CHD7: variants seen among roughly 807,000 people sequenced by gnomAD.
The protein encoded by CHD7 is chromodomain helicase DNA binding protein 7.
Under a neutral mutation model 307.3 loss-of-function variants are expected in CHD7, and 24 were observed. The ratio of observed to expected loss-of-function variants is 0.08; its 90% CI spans 0.06 to 0.11. The LOEUF is 0.11. CHD7 is among the 10% of genes least tolerant of loss of function. The pLI is 1.00. For missense variants in CHD7, 3,106 were observed against 3,727.1 expected (o/e 0.83, Z 4.34); for synonymous variants, 1,363 against 1,349.9 (o/e 1.01, Z -0.21).
chr8:60,801,720 G>T, intron 6 of CHD7, 127 bp downstream of exon 6: 1 of 646,212 alleles, frequency 1.5e-6, no homozygotes, highest in Non-Finnish European at 2.7e-6. Context: ...TTCTAATCCT[G>T]TCTAATTTAT....
chr8:60,824,286 G>C (rs1480455993), intron 13 of CHD7: 1 of 427,428 alleles, frequency 2.3e-6, no homozygotes, highest in East Asian at 3.3e-5. Flanking sequence ...TTTACCCTTT[G>C]TTCATAAATA....
At chr8:60,784,780 T>C (rs1811415839) in intron 3 of CHD7, among the ~76,000 whole-genome samples, 1 of 152,150 alleles carries the variant, frequency 6.6e-6, no homozygotes, top group African/African-American at 2.4e-5. Flanking sequence ...CCAGAAACTG[T>C]TACATAGAGT....
chr8:60,685,954 C>G (rs1290031900), intron 1 of CHD7, among the ~76,000 whole-genome samples: 2 of 152,104 alleles, frequency 1.3e-5, no homozygotes, highest in Non-Finnish European at 2.9e-5. Context: ...GGTGATAGAA[C>G]TTTTTGTTAT....
intron 1 of CHD7, among the ~76,000 whole-genome samples, chr8:60,716,793 G>C (rs1807624304): frequency 6.6e-6 from 1 of 152,198 alleles, no homozygotes; most frequent in African/African-American, 2.4e-5. Flanking sequence ...ACAGATGATA[G>C]GTGCACAATA....
intron 1 of CHD7, among the ~76,000 whole-genome samples, chr8:60,726,569 C>A (rs1808168932): frequency 6.6e-6 from 1 of 152,200 alleles, no homozygotes; most frequent in South Asian, 2.1e-4. Flanking sequence ...CTACAAAGTA[C>A]TGCGTTAAGT....
intron 2 of CHD7, among the ~76,000 whole-genome samples, chr8:60,751,019 A>T (rs190792666): frequency 6.6e-6 from 1 of 152,322 alleles, no homozygotes; most frequent in Admixed American, 6.5e-5. Context: ...TCTTGACAAG[A>T]TACGTTATTG....
intron 6 of CHD7, among the ~76,000 whole-genome samples, chr8:60,806,663 A>G (rs772824527): frequency 6.6e-6 from 1 of 152,206 alleles, no homozygotes; most frequent in Non-Finnish European, 1.5e-5. Flanking sequence ...ACTCCTGCAT[A>G]TCCAGACTCC....
intron 1 of CHD7, among the ~76,000 whole-genome samples, chr8:60,703,066 A>G (rs1460490159): frequency 1.3e-5 from 2 of 152,184 alleles, no homozygotes; most frequent in African/African-American, 2.4e-5. Context: ...GTAGAAGGGA[A>G]TACTTCAGGG....
At chr8:60,834,526 C>G (rs932646072) in intron 15 of CHD7, among the ~76,000 whole-genome samples, 1 of 152,182 alleles carries the variant, frequency 6.6e-6, no homozygotes, top group African/African-American at 2.4e-5. Flanking sequence ...TAACTTTATT[C>G]AAGAACATTC....
Position 60,837,360 on chromosome 8 carries a change from T to C in CHD7, c.4186-308T>C, listed in dbSNP as rs770425393. On this transcript the variant is annotated intron_variant, in intron 17 of 37. Transcript: ENST00000423902. ...AACAGACATTTATTTCTCACAGTTC[T>C]GGAGGTTGGAAGTCCAAAATCAGAG... Among the ~76,000 whole-genome samples the C allele has an allele frequency of 2.6e-5, 4 of 152,172 alleles. 1 individual carries two copies. The highest frequency in any genetic ancestry group is 5.9e-5 in the Non-Finnish European group (4 of 68,034).
At chr8:60,854,161 A>C (rs935927792) in intron 31 of CHD7, among the ~76,000 whole-genome samples, 1 of 152,224 alleles carries the variant, frequency 6.6e-6, no homozygotes, top group Non-Finnish European at 1.5e-5. Flanking sequence ...CTGTGTCATC[A>C]TCTGCAAGAT....
At chr8:60,690,859 G>A (rs1253854428) in intron 1 of CHD7, among the ~76,000 whole-genome samples, 1 of 152,188 alleles carries the variant, frequency 6.6e-6, no homozygotes, top group Non-Finnish European at 1.5e-5. Flanking sequence ...GACAGTCGCC[G>A]ACTCCCTGTC....
At chr8:60,763,947 C>A (rs998110893) in intron 2 of CHD7, among the ~76,000 whole-genome samples, 16 of 151,976 alleles carry the variant, frequency 1.1e-4, no homozygotes, top group African/African-American at 3.4e-4. Flanking sequence ...CACAAACATG[C>A]CTTAACCTTC....
Position 60,709,387 on chromosome 8 carries a change from T to C in CHD7, c.-175+30305T>C, listed in dbSNP as rs1163093295. ...CCAACGTTTATTCACTTTATTTTTGTATTCCTGTAGCAGCCAGCAAACAGC... is the reference window on the plus strand; with the variant it reads ...CCAACGTTTATTCACTTTATTTTTGCATTCCTGTAGCAGCCAGCAAACAGC... On this transcript the variant is annotated intron_variant, in intron 1 of 37. Coordinates refer to ENST00000423902, the MANE Select transcript of CHD7 (RefSeq NM_017780.4). Among the ~76,000 whole-genome samples, 5 of 152,340 alleles carry C rather than the reference T, an allele frequency of 3.3e-5. No homozygotes were observed. The East Asian group carries it at 5.8e-4, about 18-fold the overall frequency.
chr8:60,680,756 G>GGA (rs1047226227), intron 1 of CHD7, among the ~76,000 whole-genome samples: 1 of 152,224 alleles, frequency 6.6e-6, no homozygotes, highest in East Asian at 1.9e-4. Context: ...CAACCCACAT[G>GGA]GAGAGAGTTT....
intron 1 of CHD7, among the ~76,000 whole-genome samples, chr8:60,698,479 T>TA (rs1382867828): frequency 5.9e-5 from 9 of 152,212 alleles, no homozygotes; most frequent in Admixed American, 2.6e-4. Context: ...TAATATGGCA[T>TA]AAAGGTTAGA....
chr8:60,856,622 T>A lies in CHD7; in HGVS notation c.7342T>A (p.Ser2448Thr). ...AAAAGTTGTAGATTTATCAAAGGCCTCAAGAGAGGCAACAAGCTCTACCTC... is the reference window on the plus strand; with the variant it reads ...AAAAGTTGTAGATTTATCAAAGGCCACAAGAGAGGCAACAAGCTCTACCTC... ...QEKVVDLSKA[S>T]REATSSTSNF... Residue 2448 changes from serine (S) to threonine (T), a missense_variant, in exon 34 of 38, where the codon TCA becomes ACA. By Grantham distance (58) the Ser-to-Thr change is moderately conservative (BLOSUM62 1). Around this residue, in one of 10 missense-constraint regions of CHD7, gnomAD observed 1,030 missense variants for 1,165.4 expected, o/e 0.88. Coordinates refer to ENST00000423902, the MANE Select transcript of CHD7 (RefSeq NM_017780.4). 6.2e-7 allele frequency: 1 copy of A among 1,614,020 alleles called. No individual in the cohort carries two copies.
intron 4 of CHD7, 37 bp downstream of exon 4, chr8:60,795,164 T>C (rs535789738): frequency 6.2e-7 from 1 of 1,603,520 alleles, no homozygotes; most frequent in Non-Finnish European, 8.5e-7. Flanking sequence ...CCTTGGTTAT[T>C]TGGCATGGGT....
intron 2 of CHD7, among the ~76,000 whole-genome samples, chr8:60,750,707 G>A (rs1483209): frequency 6.6e-6 from 1 of 152,102 alleles, no homozygotes; most frequent in African/African-American, 2.4e-5. Flanking sequence ...CACAGATTGC[G>A]TGAGCTGCAT....
Sources: allele counts gnomAD v4.1 joint callset (sites outside exome capture counted in the v4.1 genomes callset), GRCh38; gene constraint gnomAD v4.1.1; regional missense constraint gnomAD v4.1.1; transcripts MANE v1.5; gene names NCBI Gene and HGNC (gene_info 2026-07-23, HGNC 2026-07-21).